Variants in SAMD4A observed in about 807,000 individuals in gnomAD.
SAMD4A encodes protein Smaug homolog 1.
In SAMD4A, 33 loss-of-function variants were observed where a neutral mutation model predicts 81.3. The observed-to-expected ratio is 0.41, with a 90% CI of 0.31 to 0.54. The LOEUF (loss-of-function observed/expected upper bound fraction) is 0.54, where lower values mean the gene tolerates loss of function less well. Among genes scored for constraint, SAMD4A ranks in the 20% least tolerant of loss-of-function variants. SAMD4A has a pLI of 0.37. For synonymous variants in SAMD4A, 389 were observed against 382.1 expected (o/e 1.02, Z -0.21); for missense variants, 854 against 951.1 (o/e 0.90, Z 1.34).
intron 9 of SAMD4A, among the ~76,000 whole-genome samples, chr14:54,771,941 G>A (rs1328557045): frequency 6.6e-6 from 1 of 152,128 alleles, no homozygotes; most frequent in African/African-American, 2.4e-5. Flanking sequence ...ACTTGGATTG[G>A]GCTAACCCAA....
chr14:54,751,813 G>A (rs943126953), intron 6 of SAMD4A, among the ~76,000 whole-genome samples: 5 of 152,168 alleles, frequency 3.3e-5, no homozygotes, highest in African/African-American at 1.2e-4. Flanking sequence ...CACCCTTTTT[G>A]TATACGTTTG....
At chr14:54,641,363 A>G (rs551765681) in intron 2 of SAMD4A, among the ~76,000 whole-genome samples, 26 of 152,342 alleles carry the variant, frequency 1.7e-4, no homozygotes, top group African/African-American at 6.3e-4. Context: ...TGCTATGAGT[A>G]TATGTTTAGC....
intron 3 of SAMD4A, among the ~76,000 whole-genome samples, chr14:54,716,463 C>T (rs2037120146): frequency 6.6e-6 from 1 of 152,174 alleles, no homozygotes; most frequent in Non-Finnish European, 1.5e-5. Context: ...AGACAAAACA[C>T]ATATTACAGA....
At chr14:54,722,890 T>C (rs1235391798) in intron 3 of SAMD4A, among the ~76,000 whole-genome samples, 6 of 152,158 alleles carry the variant, frequency 3.9e-5, no homozygotes, top group Non-Finnish European at 7.4e-5. Flanking sequence ...ACGAACTCTA[T>C]TGGACACATA....
intron 3 of SAMD4A, among the ~76,000 whole-genome samples, chr14:54,714,827 A>G (rs1449522758): frequency 6.6e-6 from 1 of 152,178 alleles, no homozygotes; most frequent in African/African-American, 2.4e-5. Flanking sequence ...GGGAAGCCCT[A>G]TGACAAAGCT....
At chr14:54,781,711 A>G (rs2039002974) in intron 11 of SAMD4A, among the ~76,000 whole-genome samples, 1 of 152,202 alleles carries the variant, frequency 6.6e-6, no homozygotes, top group African/African-American at 2.4e-5. Context: ...CAGGGTTAAC[A>G]GGAGCCACAG....
At chr14:54,617,950 CCTGGCCCTGAGTT>C in intron 2 of SAMD4A, among the ~76,000 whole-genome samples, 1 of 152,266 alleles carries the variant, frequency 6.6e-6, no homozygotes, top group South Asian at 2.1e-4. Context: ...GCCTTTTAGG[CCTGGCCCTGAGTT>C]ATTGGAGAAG....
At chr14:54,614,427 C>A (rs1163057755) in intron 2 of SAMD4A, among the ~76,000 whole-genome samples, 1 of 152,082 alleles carries the variant, frequency 6.6e-6, no homozygotes, top group Non-Finnish European at 1.5e-5. Flanking sequence ...AGTTTGAGGA[C>A]CATGGCTTTA....
At chr14:54,786,958 G>A (rs1171163075) in intron 12 of SAMD4A, among the ~76,000 whole-genome samples, 1 of 152,208 alleles carries the variant, frequency 6.6e-6, no homozygotes, top group Non-Finnish European at 1.5e-5. Flanking sequence ...TTCCTGAGCA[G>A]AGAATGCAAA....
intron 3 of SAMD4A, among the ~76,000 whole-genome samples, chr14:54,716,865 T>G (rs1452924721): frequency 6.6e-6 from 1 of 152,166 alleles, no homozygotes; most frequent in Non-Finnish European, 1.5e-5. Flanking sequence ...TATATGAAGT[T>G]GCGGGGCAGG....
chr14:54,782,680 T>C (rs192227284), intron 11 of SAMD4A, among the ~76,000 whole-genome samples: 1 of 152,366 alleles, frequency 6.6e-6, no homozygotes, highest in East Asian at 1.9e-4. Flanking sequence ...GTGCTTTCCA[T>C]AGCGTTCCTT....
rs1240454291 is a variant in SAMD4A, at chr14:54,567,962, G to C, written c.46G>C (p.Gly16Arg). ...QVGVLAGWFK[G>R]WNECEQTVAL... ...CGGGGTGCTGGCGGGCTGGTTTAAG[G>C]GCTGGAACGAGTGCGAGCAGACTGT... is the stretch of plus-strand genomic sequence containing the variant. Residue 16 changes from glycine (G) to arginine (R), a missense_variant, in exon 2 of 13, where the codon GGC becomes CGC. Gly to Arg is a moderately radical substitution (Grantham distance 125). Transcript: ENST00000554335. 1.2e-6 allele frequency: 2 copies of C among 1,610,546 alleles called. No homozygotes were observed. The highest frequency in any genetic ancestry group is 2.2e-5 in the South Asian group (2 of 90,890).
In SAMD4A at chr14:54,737,208, A is replaced by C; in HGVS notation, c.900A>C (p.Ser300=). The C allele has an allele frequency of 6.2e-7, 1 of 1,614,132 alleles. No individual in the cohort carries two copies. The highest frequency in any genetic ancestry group is 8.5e-7 in the Non-Finnish European group (1 of 1,180,022). ...CTCCACAAAGCAGTGTAGCCTCTTC[A>C]GGAAGTGGTGGGAGTGAACACTTAG... ...PLSPQSSVAS[S]GSGGSEHLED... is the part of the protein sequence containing the mutation. Residue 300 remains serine, a synonymous_variant, in exon 4 of 13, where the codon TCA becomes TCC. Transcript: ENST00000554335.
At chr14:54,645,331 C>T (rs1020145610) in intron 2 of SAMD4A, among the ~76,000 whole-genome samples, 1 of 152,172 alleles carries the variant, frequency 6.6e-6, no homozygotes, top group Non-Finnish European at 1.5e-5. Flanking sequence ...AGTAGTCTTA[C>T]TTCTCTGCCA....
intron 2 of SAMD4A, among the ~76,000 whole-genome samples, chr14:54,626,017 T>TAG (rs1566554107): frequency 7.9e-5 from 3 of 37,962 alleles, no homozygotes; most frequent in African/African-American, 2.9e-4. Flanking sequence ...TACTGCTAGG[T>TAG]GTGTGTGTGT....
chr14:54,626,090 G>A (rs1407091106), intron 2 of SAMD4A, among the ~76,000 whole-genome samples: 1 of 151,470 alleles, frequency 6.6e-6, no homozygotes, highest in African/African-American at 2.4e-5. Flanking sequence ...GCGCACATGT[G>A]CATGCATGAG....
chr14:54,685,896 T>C (rs545961375), intron 2 of SAMD4A: 31 of 455,742 alleles, frequency 6.8e-5, no homozygotes, highest in African/African-American at 5.8e-4. Flanking sequence ...AAAGAGGGAA[T>C]TGGGATGTTA....
At chr14:54,636,883 A>G (rs2035046463) in intron 2 of SAMD4A, among the ~76,000 whole-genome samples, 1 of 152,160 alleles carries the variant, frequency 6.6e-6, no homozygotes, top group African/African-American at 2.4e-5. Flanking sequence ...TCCAAGTCCC[A>G]TTGTTGAATA....
At chr14:54,682,445 G>A (rs2140580054) in intron 2 of SAMD4A, among the ~76,000 whole-genome samples, 1 of 152,238 alleles carries the variant, frequency 6.6e-6, no homozygotes, top group South Asian at 2.1e-4. Context: ...CCCCATCTGG[G>A]TCCCAAACTC....
Sources: gnomAD v4.1 joint callset for allele counts (sites outside exome capture counted in the v4.1 genomes callset) on GRCh38, gnomAD v4.1.1 for gene constraint, MANE v1.5 for transcripts, NCBI Gene and HGNC (gene_info 2026-07-23, HGNC 2026-07-21) for gene names.